ZNF268: variants seen among roughly 807,000 people sequenced by gnomAD.
ZNF268 encodes the protein zinc finger protein 268.
A neutral mutation model predicts 29.3 loss-of-function variants in ZNF268; 20 were observed. The ratio of observed to expected loss-of-function variants is 0.68; its 90% confidence interval spans 0.48 to 0.99. ZNF268 has a LOEUF of 0.99. Among genes scored for constraint, ZNF268 ranks in the 50% least tolerant of loss-of-function variants. The probability of loss-of-function intolerance (pLI) is 0.00; values close to 1 mark genes in which losing one functional copy is unlikely to be tolerated. For synonymous variants in ZNF268, 429 were observed against 376.9 expected (o/e 1.14, Z -1.60); for missense variants, 1,240 against 1,121.6 (o/e 1.11, Z -1.51).
intron 3 of ZNF268, among the ~76,000 whole-genome samples, chr12:133,188,770 A>G (rs1956388457): frequency 6.6e-6 from 1 of 152,244 alleles, no homozygotes; most frequent in Non-Finnish European, 1.5e-5. Context: ...TGCACATTAA[A>G]GTTTAAAACA....
rs770598770 is a variant in ZNF268, at chr12:133,203,070, C to T, written c.1384C>T (p.His462Tyr). 6 of 1,537,948 alleles carry T rather than the reference C, an allele frequency of 3.9e-6. No individual in the cohort carries two copies. The highest frequency in any genetic ancestry group is 5.2e-6 in the Non-Finnish European group (6 of 1,147,106). The change falls in exon 6 of 6, where the codon CAT (histidine) becomes TAT (tyrosine). Residue 462 changes from histidine to tyrosine, a missense_variant. Physicochemically the swap from His to Tyr is moderately conservative, Grantham distance 83 (BLOSUM62 2). Transcript: ENST00000536435. ...AFTFKSQLIV[H>Y]QGIHTGVKPY... Reference sequence around the variant, plus strand: ...TACATTCAAGTCACAGCTCATTGTACATCAGGGGATTCACACAGGAGTAAA... The same window carrying T: ...TACATTCAAGTCACAGCTCATTGTATATCAGGGGATTCACACAGGAGTAAA...
intron 3 of ZNF268, among the ~76,000 whole-genome samples, chr12:133,191,242 A>G (rs1018414174): frequency 8.6e-5 from 13 of 151,820 alleles, no homozygotes; most frequent in Admixed American, 5.9e-4. Context: ...GCGTGAACCC[A>G]GGAGGTATAC....
At chr12:133,194,435 C>T (rs958004417) in intron 5 of ZNF268, among the ~76,000 whole-genome samples, 4 of 152,222 alleles carry the variant, frequency 2.6e-5, no homozygotes, top group Non-Finnish European at 1.5e-5. Context: ...AGGTTACCTT[C>T]TTTAATGGCC....
At chr12:133,191,681 T>C in intron 4 of ZNF268, 66 bp downstream of exon 4, 1 of 1,594,644 alleles carries the variant, frequency 6.3e-7, no homozygotes, top group South Asian at 1.1e-5. Context: ...TGCTGAAAAC[T>C]GGAGGGCTTC....
intron 3 of ZNF268, among the ~76,000 whole-genome samples, chr12:133,190,729 A>G (rs1003263760): frequency 1.3e-5 from 2 of 152,196 alleles, no homozygotes; most frequent in Middle Eastern, 3.2e-3. Context: ...ACTGTCAAAT[A>G]GCATTGCTTC....
rs1309508939 is a variant in ZNF268, at chr12:133,206,455, T to C, written c.*1925T>C. 6.6e-6 allele frequency: 1 copy of C among 152,216 alleles called. No individual in the cohort carries two copies. The highest frequency in any genetic ancestry group is 1.9e-4 in the East Asian group (1 of 5,196). The allele number at this position is 152,216 out of a possible 1,614,324, so 9.4% of individuals were successfully genotyped here. On this transcript the variant is annotated 3_prime_UTR_variant, in exon 6 of 6. Transcript: ENST00000536435. ...GATACTACTTAGTTACATGTAGCTA[T>C]AGAGTCACAGTGGTGAAAAACTCTG...
chr12:133,192,350 C>G (rs912557203), intron 5 of ZNF268, among the ~76,000 whole-genome samples: 1 of 152,130 alleles, frequency 6.6e-6, no homozygotes, highest in East Asian at 1.9e-4. Context: ...TCAGGTGATC[C>G]GCCTGCCTTA....
rs1022540452 is a variant in ZNF268, at chr12:133,205,459, G to A, written c.*929G>A. 6.6e-6 allele frequency: 1 copy of A among 152,094 alleles called. No homozygotes were observed. Among genetic ancestry groups the A allele is most frequent in the Non-Finnish European group, 1.5e-5 (1 of 68,018 alleles). 9.4% of individuals were successfully genotyped at this position (152,094 alleles called of 1,614,324 possible). On this transcript the variant is annotated 3_prime_UTR_variant, in exon 6 of 6. Transcript: ENST00000536435. ...GGCATTTTACTTGCGAATGCCATATGTGAGACAAAAATCATCTTCCAGAGA... is the reference window on the plus strand; with the variant it reads ...GGCATTTTACTTGCGAATGCCATATATGAGACAAAAATCATCTTCCAGAGA...
At position 133,211,208 on chromosome 12, in the gene ZNF268, T is replaced by TACA. The variant is rs538138072; in HGVS notation, c.*6679_*6680insCAA. 196 of 275,914 alleles carry TACA rather than the reference T, an allele frequency of 7.1e-4. No homozygotes were observed. Among genetic ancestry groups the TACA allele is most frequent in the African/African-American group, 3.6e-3 (122 of 33,522 alleles). 17.1% of individuals were successfully genotyped at this position (275,914 alleles called of 1,614,324 possible). A position where few individuals can be genotyped will look rare whatever the true frequency, so the allele number is the denominator to read the frequency against. ...TGAAAAAGTGTTTGTATGCAAAATA[T>TACA]AAAAAAAAAACCCTAAAATTGAACA... On this transcript the variant is annotated 3_prime_UTR_variant, in exon 6 of 6. Coordinates refer to ENST00000536435, the MANE Select transcript of ZNF268 (RefSeq NM_003415.3).
chr12:133,197,194 C>A (rs1379944793), intron 5 of ZNF268, among the ~76,000 whole-genome samples: 4 of 114,766 alleles, frequency 3.5e-5, no homozygotes, highest in Non-Finnish European at 5.2e-5. Context: ...CCCCTCCCCC[C>A]ACCCCACAAC....
In ZNF268 at chr12:133,187,927, G is replaced by A; in HGVS notation, c.89G>A (p.Gly30Asp). Residue 30 changes from glycine (G) to aspartate (D), a missense_variant, in exon 3 of 6, where the codon GGT becomes GAT. Transcript: ENST00000536435. ...SSWDRIRKLQ[G>D]QESILGQGTP... ...TGGGATAGGATCAGAAAGCTCCAAG[G>A]TCAGGAATCCATCTTGGGCCAAGGG... The A allele has an allele frequency of 6.2e-7, 1 of 1,600,760 alleles. No individual in the cohort carries two copies. The highest frequency in any genetic ancestry group is 1.1e-5 in the South Asian group (1 of 88,434).
rs532952056 is a variant in ZNF268 at position 133,203,016 on chromosome 12, T to TA, written c.1331dup (p.Tyr444Ter). ...GAGAACCCATACAGGGGAGAAACCT[T>TA]ATGTTTGTAGTGATTGTGGAAAAGC... ...HQRTHTGEKP[Y>*]VCSDCGKAFT... The change falls in exon 6 of 6, where the codon TAT (tyrosine) becomes TAAT (stop). Residue 444 changes from tyrosine to a stop codon, truncating the protein, a stop_gained and frameshift_variant. Coordinates refer to ENST00000536435, the MANE Select transcript of ZNF268 (RefSeq NM_003415.3). LOFTEE classifies it low-confidence loss of function (END_TRUNC). The TA allele has an allele frequency of 4.4e-4, 682 of 1,546,580 alleles. 6 individuals carry two copies. In the African/African-American group the frequency reaches 8.6e-3, roughly 19 times the overall value.
intron 3 of ZNF268, among the ~76,000 whole-genome samples, chr12:133,188,845 T>A (rs1329035437): frequency 6.6e-6 from 1 of 152,174 alleles, no homozygotes; most frequent in African/African-American, 2.4e-5. Context: ...CAATATTGGC[T>A]TGCTTTTTTA....
chr12:133,182,771 G>A (rs761185983), intron 2 of ZNF268, among the ~76,000 whole-genome samples: 6 of 152,140 alleles, frequency 3.9e-5, no homozygotes, highest in Non-Finnish European at 8.8e-5. Flanking sequence ...GGCACTTTAG[G>A]GTTGCTAAAA....
rs1956856919 is a variant in ZNF268, at chr12:133,204,752, C to A, written c.*222C>A. 2.4e-6 allele frequency: 1 copy of A among 408,632 alleles called. No homozygotes were observed. The highest frequency in any genetic ancestry group is 4.3e-6 in the Non-Finnish European group (1 of 231,790). 25.3% of individuals were successfully genotyped at this position (408,632 alleles called of 1,614,324 possible). ...AGGAAAACTGAATTTAGTAACCACT[C>A]TGAAAATTTTTAGCAGCAAGTCATA... On this transcript the variant is annotated 3_prime_UTR_variant, in exon 6 of 6. Transcript: ENST00000536435.
rs1459865897 is a variant in ZNF268 at position 133,210,826 on chromosome 12, G to A, written c.*6296G>A. 13 of 455,898 alleles carry A rather than the reference G, an allele frequency of 2.9e-5. No individual in the cohort carries two copies. Among genetic ancestry groups the A allele is most frequent in the Non-Finnish European group, 4.4e-6 (1 of 226,804 alleles). The allele number at this position is 455,898 out of a possible 1,614,324, so 28.2% of individuals were successfully genotyped here. On this transcript the variant is annotated 3_prime_UTR_variant, in exon 6 of 6. Coordinates refer to ENST00000536435, the MANE Select transcript of ZNF268 (RefSeq NM_003415.3). ...GGTCCTCTGTGGATTCAACCCAGAG[G>A]TCTGTGAGCAGAATGCAGGTACTGC...
At chr12:133,193,394 A>C in intron 5 of ZNF268, 1 of 625,652 alleles carries the variant, frequency 1.6e-6, no homozygotes, top group South Asian at 1.9e-5. Context: ...TAGACTAGGT[A>C]ATTTTATAAA....
At position 133,203,009 on chromosome 12, in the gene ZNF268, G is replaced by C; in HGVS notation, c.1323G>C (p.Glu441Asp). The change falls in exon 6 of 6, where the codon GAG becomes GAC. Residue 441 changes from glutamate (E) to aspartate (D), a missense_variant. By Grantham distance (45) the Glu-to-Asp change is conservative. Coordinates refer to ENST00000536435, the MANE Select transcript of ZNF268 (RefSeq NM_003415.3). Reference sequence around the variant, plus strand: ...TACATCAGAGAACCCATACAGGGGAGAAACCTTATGTTTGTAGTGATTGTG... The same window carrying C: ...TACATCAGAGAACCCATACAGGGGACAAACCTTATGTTTGTAGTGATTGTG... ...LMVHQRTHTG[E>D]KPYVCSDCGK... is the part of the protein sequence containing the mutation. The C allele has an allele frequency of 6.5e-7, 1 of 1,547,514 alleles. No individual in the cohort carries two copies. The highest frequency in any genetic ancestry group is 1.9e-5 in the Admixed American group (1 of 51,616).
chr12:133,199,035 C>T (rs1034922487), intron 5 of ZNF268, among the ~76,000 whole-genome samples: 3 of 151,772 alleles, frequency 2.0e-5, no homozygotes, highest in African/African-American at 7.3e-5. Context: ...ATTTCCTTCT[C>T]CTGCCTAATT....
Sources: allele counts gnomAD v4.1 joint callset (sites outside exome capture counted in the v4.1 genomes callset), GRCh38; gene constraint gnomAD v4.1.1; transcripts MANE v1.5; gene names NCBI Gene and HGNC (gene_info 2026-07-23, HGNC 2026-07-21).